PHF20: variants seen among roughly 807,000 people sequenced by gnomAD.
The protein encoded by PHF20 is PHD finger protein 20.
A neutral mutation model predicts 113.5 loss-of-function variants in PHF20; 23 were observed. That is an observed-to-expected ratio of 0.20 (90% CI 0.15 to 0.29). PHF20 has a LOEUF of 0.29. Among genes scored for constraint, PHF20 ranks in the 10% least tolerant of loss-of-function variants. The pLI is 1.00. For missense variants in PHF20, 943 were observed against 1,219.6 expected (o/e 0.77, Z 3.38); for synonymous variants, 434 against 457.3 (o/e 0.95, Z 0.65).
intron 15 of PHF20, among the ~76,000 whole-genome samples, chr20:35,932,098 C>T (rs2147115642): frequency 1.4e-5 from 2 of 144,602 alleles, no homozygotes; most frequent in Admixed American, 7.0e-5. Context: ...GATGGAGTCT[C>T]ACTCTGTCAC....
At chr20:35,882,108 T>C (rs1180117607) in intron 9 of PHF20, among the ~76,000 whole-genome samples, 1 of 152,268 alleles carries the variant, frequency 6.6e-6, no homozygotes, top group East Asian at 1.9e-4. Context: ...GTTCATTGCT[T>C]ATTTTTTCCA....
intron 2 of PHF20, among the ~76,000 whole-genome samples, chr20:35,838,840 A>G (rs1283985841): frequency 3.3e-5 from 5 of 151,520 alleles, no homozygotes; most frequent in Admixed American, 2.6e-4. Context: ...AAAAAACCCA[A>G]TAAATTAGCT....
chr20:35,802,018 A>T (rs1236702275), intron 2 of PHF20: 3 of 158,792 alleles, frequency 1.9e-5, no homozygotes, highest in African/African-American at 7.2e-5. Flanking sequence ...TCTGGGCATG[A>T]TCTTGTATGT....
chr20:35,904,277 A>ATTTTTTT (rs34412788), intron 10 of PHF20, among the ~76,000 whole-genome samples: 4 of 98,918 alleles, frequency 4.0e-5, no homozygotes, highest in Admixed American at 1.2e-4. Flanking sequence ...GAATGCTCTG[A>ATTTTTTT]TTTTTTTTTT....
rs1469935489 is a variant in PHF20, at chr20:35,897,698, C to T, written c.1283-1672C>T. Reference sequence around the variant, plus strand: ...TCTCCTGTTTCAGCCTTCTGGGTAGCTGGGACTACAGGTGCCCGACACCAC... The same window carrying T: ...TCTCCTGTTTCAGCCTTCTGGGTAGTTGGGACTACAGGTGCCCGACACCAC... On this transcript the variant is annotated intron_variant, in intron 9 of 17. Transcript: ENST00000374012. Among the ~76,000 whole-genome samples the T allele has an allele frequency of 3.3e-5, 5 of 150,840 alleles. No homozygotes were observed. In the Admixed American group the frequency reaches 3.3e-4, roughly 10 times the overall value.
chr20:35,875,588 C>T (rs2054507456), intron 9 of PHF20, among the ~76,000 whole-genome samples: 1 of 151,990 alleles, frequency 6.6e-6, no homozygotes, highest in Non-Finnish European at 1.5e-5. Flanking sequence ...TTCTTCCCAG[C>T]CTGCTCTTCT....
chr20:35,946,669 T>A (rs1046685194), intron 17 of PHF20, among the ~76,000 whole-genome samples: 4 of 145,976 alleles, frequency 2.7e-5, no homozygotes, highest in Admixed American at 1.4e-4. Context: ...TTATTTTATT[T>A]TATTTTATTT....
At chr20:35,805,152 A>T (rs733609) in intron 2 of PHF20, among the ~76,000 whole-genome samples, 16,607 of 151,274 alleles carry the variant, frequency 0.11, 951 homozygotes, top group South Asian at 0.16. Context: ...GATCTGCCCA[A>T]CTCGGCCTCC....
intron 2 of PHF20, among the ~76,000 whole-genome samples, chr20:35,823,278 A>G (rs1218148276): frequency 6.6e-6 from 1 of 151,846 alleles, no homozygotes; most frequent in Non-Finnish European, 1.5e-5. Context: ...AGTTTTGCCA[A>G]ATTTGACAGT....
intron 1 of PHF20, among the ~76,000 whole-genome samples, chr20:35,800,888 G>A (rs2041768159): frequency 6.6e-6 from 1 of 152,048 alleles, no homozygotes; most frequent in Non-Finnish European, 1.5e-5. Flanking sequence ...ACGAGCGTTT[G>A]CTATGTTTCT....
Position 35,899,534 on chromosome 20 carries a change from C to T in PHF20, c.1447C>T (p.Leu483=), listed in dbSNP as rs766074119. 5 of 1,614,078 alleles carry T rather than the reference C, an allele frequency of 3.1e-6. No individual in the cohort carries two copies. The African/African-American group carries it at 6.7e-5, about 22-fold the overall frequency. ...MKYFHGMEKS[L]EPEESPGKRH... ...GTATTTCCATGGAATGGAGAAGTCA[C>T]TGGAGCCAGAAGAGAGCCCGGGAAA... The change falls in exon 10 of 18, where the codon CTG becomes TTG. Residue 483 remains leucine, a synonymous_variant. Transcript: ENST00000374012.
At chr20:35,828,546 A>G (rs2042302703) in intron 2 of PHF20, among the ~76,000 whole-genome samples, 1 of 152,188 alleles carries the variant, frequency 6.6e-6, no homozygotes, top group Non-Finnish European at 1.5e-5. Flanking sequence ...GCTTAATTTT[A>G]CACAGATGCA....
At chr20:35,928,269 T>A (rs2055681601) in intron 14 of PHF20, among the ~76,000 whole-genome samples, 1 of 150,930 alleles carries the variant, frequency 6.6e-6, no homozygotes, top group Non-Finnish European at 1.5e-5. Context: ...TGAAACTCCA[T>A]CTCTACTAAA....
chr20:35,777,979 C>CT (rs1722469224), intron 1 of PHF20, among the ~76,000 whole-genome samples: 1 of 152,176 alleles, frequency 6.6e-6, no homozygotes, highest in Non-Finnish European at 1.5e-5. Context: ...GAAGTCAGGA[C>CT]TTAAAGGTAT....
intron 2 of PHF20, among the ~76,000 whole-genome samples, chr20:35,834,083 T>TAAAA (rs150961597): frequency 0.081 from 12,211 of 150,758 alleles, 528 homozygotes; most frequent in South Asian, 0.12. Flanking sequence ...AATAAATAAA[T>TAAAA]AAAAAGGCGG....
intron 10 of PHF20, among the ~76,000 whole-genome samples, chr20:35,906,129 G>A (rs150214273): frequency 2.0e-3 from 307 of 152,310 alleles, no homozygotes; most frequent in African/African-American, 6.7e-3. Flanking sequence ...TGTTTGAGTC[G>A]TGCTCTCACC....
chr20:35,916,556 C>G (rs1247675961), intron 12 of PHF20, among the ~76,000 whole-genome samples: 2 of 152,152 alleles, frequency 1.3e-5, no homozygotes, highest in Non-Finnish European at 2.9e-5. Flanking sequence ...CAACCTCTGC[C>G]TCCTGGGTTC....
chr20:35,943,683 C>T (rs969492395), intron 17 of PHF20, among the ~76,000 whole-genome samples: 5 of 152,006 alleles, frequency 3.3e-5, no homozygotes, highest in African/African-American at 7.2e-5. Flanking sequence ...TGCAGTGGCA[C>T]GATCTCGGCT....
chr20:35,787,788 T>C (rs1464803651), intron 1 of PHF20, among the ~76,000 whole-genome samples: 1 of 150,364 alleles, frequency 6.7e-6, no homozygotes, highest in Non-Finnish European at 1.5e-5. Context: ...TTATTTTTAT[T>C]TTTACTTTTT....
Sources: gnomAD v4.1 joint callset for allele counts (sites outside exome capture counted in the v4.1 genomes callset) on GRCh38, gnomAD v4.1.1 for gene constraint, MANE v1.5 for transcripts, NCBI Gene and HGNC (gene_info 2026-07-23, HGNC 2026-07-21) for gene names.